Variants in CCDC7 observed in about 807,000 individuals in gnomAD.
The protein encoded by CCDC7 is coiled-coil domain-containing protein 7.
A neutral mutation model predicts 196.9 loss-of-function variants in CCDC7; 183 were observed. The ratio of observed to expected loss-of-function variants is 0.93; its 90% confidence interval spans 0.82 to 1.05. The LOEUF is 1.05. CCDC7 is among the 50% of genes least tolerant of loss of function. CCDC7 has a pLI of 0.00. For synonymous variants in CCDC7, 525 were observed against 484.6 expected, an observed-to-expected ratio of 1.08 and a Z score of -1.10; for missense variants, 1,540 against 1,482.2, an observed-to-expected ratio of 1.04 and a Z score of -0.64.
At chr10:32,613,983 T>C (rs2062477366) in intron 18 of CCDC7, among the ~76,000 whole-genome samples, 1 of 152,204 alleles carries the variant, frequency 6.6e-6, no homozygotes, top group Non-Finnish European at 1.5e-5. Context: ...TTCTGTCTCA[T>C]TGATCTAATA....
At chr10:32,841,959 G>C (rs1340891341) in intron 33 of CCDC7, among the ~76,000 whole-genome samples, 1 of 151,862 alleles carries the variant, frequency 6.6e-6, no homozygotes, top group Non-Finnish European at 1.5e-5. Flanking sequence ...AACTCAAGAT[G>C]GATCAAAGAT....
At chr10:32,809,778 T>C (rs2086676222) in intron 30 of CCDC7, among the ~76,000 whole-genome samples, 1 of 152,184 alleles carries the variant, frequency 6.6e-6, no homozygotes, top group Non-Finnish European at 1.5e-5. Flanking sequence ...ACACTGTTAG[T>C]GGGACTGTAA....
intron 8 of CCDC7, among the ~76,000 whole-genome samples, chr10:32,477,758 A>G (rs1298713631): frequency 3.3e-5 from 5 of 152,154 alleles, no homozygotes; most frequent in South Asian, 2.1e-4. Flanking sequence ...TTTAGTAAGT[A>G]TTGAAGTTGG....
chr10:32,806,222 T>A (rs184775147), intron 30 of CCDC7, among the ~76,000 whole-genome samples: 3 of 151,866 alleles, frequency 2.0e-5, no homozygotes, highest in African/African-American at 7.2e-5. Flanking sequence ...ACTGAAGAAA[T>A]AAATAAGCAA....
At chr10:32,761,921 TTC>T (rs1268968254) in intron 28 of CCDC7, among the ~76,000 whole-genome samples, 11 of 151,952 alleles carry the variant, frequency 7.2e-5, no homozygotes, top group Non-Finnish European at 1.6e-4. Context: ...TTCCTTACTT[TTC>T]TCTCTCCCAC....
At chr10:32,536,404 C>T (rs2050505568) in intron 11 of CCDC7, among the ~76,000 whole-genome samples, 1 of 152,196 alleles carries the variant, frequency 6.6e-6, no homozygotes, top group South Asian at 2.1e-4. Flanking sequence ...TAAACATCCT[C>T]TAGGCAGCTT....
chr10:32,444,780 T>C (rs576495260), upstream of CCDC7, among the ~76,000 whole-genome samples: 10 of 152,204 alleles, frequency 6.6e-5, no homozygotes, highest in South Asian at 2.1e-4. Context: ...ATCATTTATA[T>C]GTACATTTTC....
intron 40 of CCDC7, 42 bp from the exon 42 acceptor site, chr10:32,854,358 A>G: frequency 9.0e-7 from 1 of 1,111,332 alleles, no homozygotes; most frequent in Admixed American, 2.2e-5. Context: ...GAAATTACTT[A>G]ATTTACCACA....
At chr10:32,625,222 A>C (rs1255895194) in intron 18 of CCDC7, among the ~76,000 whole-genome samples, 1 of 151,270 alleles carries the variant, frequency 6.6e-6, no homozygotes, top group Non-Finnish European at 1.5e-5. Flanking sequence ...TATTTTTTGC[A>C]TGTGGATATC....
chr10:32,718,397 C>G (rs968466039), intron 25 of CCDC7, among the ~76,000 whole-genome samples: 2 of 152,086 alleles, frequency 1.3e-5, no homozygotes, highest in Admixed American at 6.6e-5. Context: ...CTATTTATGA[C>G]AAACCTACAG....
intron 18 of CCDC7, 42 bp downstream of exon 19, chr10:32,584,346 G>A: frequency 8.0e-7 from 1 of 1,251,628 alleles, no homozygotes; most frequent in Non-Finnish European, 1.1e-6. Context: ...GTGATTGAAT[G>A]ATTATGTGTT....
At chr10:32,638,215 C>A (rs977069505) in intron 20 of CCDC7, among the ~76,000 whole-genome samples, 1 of 152,068 alleles carries the variant, frequency 6.6e-6, no homozygotes. Flanking sequence ...AATTCAATAC[C>A]CTTTATATCC....
At chr10:32,675,612 A>G (rs1011933312) in intron 21 of CCDC7, 1 of 152,372 alleles carries the variant, frequency 6.6e-6, no homozygotes, top group African/African-American at 2.4e-5. Context: ...TGATATTTAT[A>G]CTTTCATATA....
intron 14 of CCDC7, among the ~76,000 whole-genome samples, chr10:32,566,246 T>C (rs1336621928): frequency 1.3e-5 from 2 of 152,136 alleles, no homozygotes; most frequent in African/African-American, 4.8e-5. Flanking sequence ...TCTGTTTTTG[T>C]TAATAGAAGT....
At chr10:32,823,268 A>G (rs2090565091) in intron 31 of CCDC7, among the ~76,000 whole-genome samples, 1 of 151,730 alleles carries the variant, frequency 6.6e-6, no homozygotes, top group Admixed American at 6.6e-5. Context: ...TCAGCCTCCT[A>G]AGTAGCTGGG....
intron 28 of CCDC7, among the ~76,000 whole-genome samples, chr10:32,776,781 A>G (rs2080131275): frequency 6.6e-6 from 1 of 152,200 alleles, no homozygotes; most frequent in Non-Finnish European, 1.5e-5. Context: ...TTGCAAAGTA[A>G]ATAAGGTTAG....
At chr10:32,601,959 AAG>A (rs1328699612) in intron 18 of CCDC7, among the ~76,000 whole-genome samples, 1 of 152,166 alleles carries the variant, frequency 6.6e-6, no homozygotes, top group Non-Finnish European at 1.5e-5. Flanking sequence ...GGGGCCAAAT[AAG>A]GGAATAAAAG....
intron 28 of CCDC7, among the ~76,000 whole-genome samples, chr10:32,765,595 C>G (rs1026523572): frequency 3.9e-5 from 6 of 151,948 alleles, no homozygotes; most frequent in Admixed American, 2.6e-4. Flanking sequence ...AAATTTTAAA[C>G]CAAAAGCAAT....
At chr10:32,498,225 T>G (rs1345714934) in intron 9 of CCDC7, among the ~76,000 whole-genome samples, 1 of 152,192 alleles carries the variant, frequency 6.6e-6, no homozygotes, top group African/African-American at 2.4e-5. Context: ...TGCTTTTTTT[T>G]GCTTTCCATT....
Sources: gnomAD v4.1 joint callset for allele counts (sites outside exome capture counted in the v4.1 genomes callset) on GRCh38, gnomAD v4.1.1 for gene constraint, MANE v1.5 for transcripts, NCBI Gene and HGNC (gene_info 2026-07-23, HGNC 2026-07-21) for gene names.